The following ICE2 variants were observed in gnomAD, a reference collection of about 807,000 sequenced individuals.
The protein encoded by ICE2 is interactor of little elongation complex ELL subunit 2.
Under a neutral mutation model 105.4 loss-of-function variants are expected in ICE2, and 87 were observed. The observed-to-expected ratio is 0.83, with a 90% CI of 0.69 to 0.99. The LOEUF is 0.99. ICE2 is among the 50% of genes least tolerant of loss of function. The pLI is 0.00. For missense variants in ICE2, 1,323 were observed against 1,146.7 expected (o/e 1.15, Z -2.22); for synonymous variants, 399 against 392.0 (o/e 1.02, Z -0.21).
chr15:60,453,875 C>A (rs1421525330), intron 8 of ICE2, 91 bp from the exon 9 acceptor site: 1 of 967,056 alleles, frequency 1.0e-6, no homozygotes, highest in Non-Finnish European at 1.6e-6. Context: ...GATCACCAAA[C>A]AAAGAGACAC....
In ICE2 at chr15:60,420,807, T is replaced by C. The variant is rs1380989316; in HGVS notation, c.*2827A>G. On this transcript the variant is annotated 3_prime_UTR_variant, in exon 16 of 16. Transcript: ENST00000261520. The stretch of plus-strand genomic sequence containing the variant: ...TCAAAGCACTTATCACATAAAGCAG[T>C]ATAGTGTCTTCCACTAGAATGTGAT... The C allele has an allele frequency of 6.6e-6, 1 of 152,172 alleles. No homozygotes were observed. Among genetic ancestry groups the C allele is most frequent in the African/African-American group, 2.4e-5 (1 of 41,430 alleles). 9.4% of individuals were successfully genotyped at this position (152,172 alleles called of 1,614,324 possible). A position where few individuals can be genotyped will look rare whatever the true frequency, so the allele number is the denominator to read the frequency against.
intron 3 of ICE2, among the ~76,000 whole-genome samples, chr15:60,473,369 G>A (rs947716166): frequency 2.6e-4 from 40 of 152,054 alleles, no homozygotes; most frequent in Admixed American, 2.0e-4. Flanking sequence ...CTCGCTCACT[G>A]CAGCCTCAAC....
intron 11 of ICE2, among the ~76,000 whole-genome samples, chr15:60,443,332 C>A (rs1163891653): frequency 6.6e-6 from 1 of 152,194 alleles, no homozygotes; most frequent in East Asian, 1.9e-4. Context: ...TTAACTTGAA[C>A]TTATAAGGCT....
chr15:60,473,027 T>C (rs1207419730), intron 3 of ICE2, among the ~76,000 whole-genome samples: 1 of 152,030 alleles, frequency 6.6e-6, no homozygotes, highest in Non-Finnish European at 1.5e-5. Flanking sequence ...CACTGTAGCC[T>C]TGACGTCCCA....
At chr15:60,436,082 G>C (rs920974330) in intron 13 of ICE2, 61 bp downstream of exon 13, 27 of 637,680 alleles carry the variant, frequency 4.2e-5, no homozygotes, top group Non-Finnish European at 6.8e-5. Context: ...AATATTTAAA[G>C]AAAAATTAAT....
In ICE2 at chr15:60,466,576, T is replaced by C. The variant is rs950552703; in HGVS notation, c.528+18A>G. On this transcript the variant is annotated intron_variant, in intron 5 of 15. Coordinates refer to ENST00000261520, the MANE Select transcript of ICE2 (RefSeq NM_024611.6). Reference sequence around the variant, plus strand: ...CCTATCACTTCGCAATTTACACAAATGTGAGTTGTTTTTTTACCTCTGTGA... The same window carrying C: ...CCTATCACTTCGCAATTTACACAAACGTGAGTTGTTTTTTTACCTCTGTGA... The C allele has an allele frequency of 5.0e-6, 8 of 1,608,176 alleles. No individual in the cohort carries two copies. The highest frequency in any genetic ancestry group is 6.8e-6 in the Non-Finnish European group (8 of 1,179,086).
chr15:60,458,582 CG>C (rs2064189495), intron 5 of ICE2, among the ~76,000 whole-genome samples: 1 of 151,940 alleles, frequency 6.6e-6, no homozygotes, highest in Non-Finnish European at 1.5e-5. Flanking sequence ...AGGTGGGAAG[CG>C]AAACGTAAGA....
At chr15:60,436,062 A>T in intron 13 of ICE2, 81 bp downstream of exon 13, 1 of 551,536 alleles carries the variant, frequency 1.8e-6, no homozygotes, top group Non-Finnish European at 3.1e-6. Context: ...AAAATAATTT[A>T]AGCTTAAACA....
rs373747983 is a variant in ICE2, at chr15:60,429,749, AT to A, written c.2562-1063del. ...TGACAATTGCTCTTATCCTCTGGAA[AT>A]TTTTTTTCCCAATCATTTTCATATT... is the stretch of plus-strand genomic sequence containing the variant. On this transcript the variant is annotated intron_variant, in intron 14 of 15. Coordinates refer to ENST00000261520, the MANE Select transcript of ICE2 (RefSeq NM_024611.6). 1.7e-3 allele frequency among the ~76,000 whole-genome samples: 261 copies of A among 152,130 alleles called. 5 individuals carry two copies. In the East Asian group the frequency reaches 0.045, roughly 26 times the overall value.
rs1264784974 is a variant in ICE2 at position 60,468,155 on chromosome 15, T to A, written c.314A>T (p.Gln105Leu). 6.2e-7 allele frequency: 1 copy of A among 1,614,098 alleles called. No homozygotes were observed. The highest frequency in any genetic ancestry group is 1.7e-5 in the Admixed American group (1 of 60,028). Residue 105 changes from glutamine (Q) to leucine (L), a missense_variant, in exon 4 of 16, where the codon CAG (glutamine) becomes CTG (leucine). Transcript: ENST00000261520. The part of the protein sequence containing the change: ...PRFSRFSQRE[Q>L]RSYVDLLVKY... ...AACCAACAAGTCCACATAACTCCTC[T>A]GCTCTCTCTGTGAGAAACGAGAGAA...
chr15:60,446,459 G>C (rs2063824430), intron 11 of ICE2, among the ~76,000 whole-genome samples: 1 of 152,054 alleles, frequency 6.6e-6, no homozygotes, highest in African/African-American at 2.4e-5. Flanking sequence ...GCAGTGGTGC[G>C]ATCTCGGCTC....
chr15:60,451,846 C>T (rs139390004), intron 9 of ICE2: 9 of 185,624 alleles, frequency 4.8e-5, no homozygotes, highest in African/African-American at 1.9e-4. Flanking sequence ...AGAACTGGCA[C>T]ATATAATCCA....
At chr15:60,465,774 AG>A (rs2064408086) in intron 5 of ICE2, among the ~76,000 whole-genome samples, 1 of 143,138 alleles carries the variant, frequency 7.0e-6, no homozygotes. Context: ...TTTTTGAGAC[AG>A]GGTATCGCTC....
chr15:60,428,935 T>C (rs188394030), intron 14 of ICE2, among the ~76,000 whole-genome samples: 16 of 152,374 alleles, frequency 1.1e-4, no homozygotes, highest in African/African-American at 3.8e-4. Flanking sequence ...TTATAGCAAT[T>C]CGTAAGTTTT....
intron 9 of ICE2, chr15:60,451,288 C>T (rs922397105): frequency 1.8e-5 from 13 of 726,570 alleles, no homozygotes; most frequent in Non-Finnish European, 2.2e-5. Context: ...TACAAAGATA[C>T]ACTTTTTCCC....
chr15:60,471,972 A>G (rs2064610531), intron 3 of ICE2, among the ~76,000 whole-genome samples: 2 of 151,934 alleles, frequency 1.3e-5, no homozygotes, highest in Admixed American at 1.3e-4. Context: ...AGCTTTATAT[A>G]TATATATTTC....
chr15:60,455,716 C>T (rs1595790510), intron 6 of ICE2, among the ~76,000 whole-genome samples: 1 of 151,606 alleles, frequency 6.6e-6, no homozygotes, highest in Non-Finnish European at 1.5e-5. Context: ...CTCCTGGGTT[C>T]GAGCAATTCT....
chr15:60,428,810 C>G, intron 14 of ICE2, 123 bp from the exon 15 acceptor site: 1 of 947,808 alleles, frequency 1.1e-6, no homozygotes. Flanking sequence ...TCTAAAAATA[C>G]TTTTATGACA....
At chr15:60,454,943 A>T (rs953654453) in intron 8 of ICE2, 60 bp downstream of exon 8, 2 of 1,402,624 alleles carry the variant, frequency 1.4e-6, no homozygotes, top group African/African-American at 1.5e-5. Flanking sequence ...TTTATGAGTG[A>T]GAACATGCAG....
Sources: allele counts gnomAD v4.1 joint callset (sites outside exome capture counted in the v4.1 genomes callset), GRCh38; gene constraint gnomAD v4.1.1; transcripts MANE v1.5; gene names NCBI Gene and HGNC (gene_info 2026-07-23, HGNC 2026-07-21).